RAF1: variants seen among roughly 807,000 people sequenced by gnomAD.
RAF1 encodes Raf-1 proto-oncogene, serine/threonine kinase.
RAF1 carries 27 observed loss-of-function variants against 81.1 expected under a neutral mutation model. The observed-to-expected ratio is 0.33, with a 90% confidence interval of 0.25 to 0.46. The LOEUF is 0.46. Among genes scored for constraint, RAF1 ranks in the 20% least tolerant of loss-of-function variants. The pLI is 1.00. For synonymous variants in RAF1, 298 were observed against 294.0 expected (o/e 1.01, Z -0.14); for missense variants, 598 against 826.0 (o/e 0.72, Z 3.38).
At chr3:12,601,328 C>T (rs1443477703) in intron 8 of RAF1, among the ~76,000 whole-genome samples, 2 of 152,210 alleles carry the variant, frequency 1.3e-5, no homozygotes, top group South Asian at 2.1e-4. Flanking sequence ...TCTTTCACCA[C>T]AAAACACTGC....
chr3:12,601,219 A>C (rs2058852147), intron 8 of RAF1, among the ~76,000 whole-genome samples: 1 of 152,204 alleles, frequency 6.6e-6, no homozygotes, highest in South Asian at 2.1e-4. Context: ...AAGAAAACAC[A>C]TCTGAACAGG....
At chr3:12,646,729 T>C (rs994190951) in intron 1 of RAF1, among the ~76,000 whole-genome samples, 8 of 151,838 alleles carry the variant, frequency 5.3e-5, no homozygotes, top group Non-Finnish European at 8.8e-5. Flanking sequence ...TTTTTGTATA[T>C]TTAGTAGAGA....
chr3:12,615,315 C>T (rs754635220), intron 2 of RAF1, among the ~76,000 whole-genome samples: 14 of 152,182 alleles, frequency 9.2e-5, no homozygotes, highest in Non-Finnish European at 1.3e-4. Context: ...AATAAAAATT[C>T]CAAGAAACAT....
At chr3:12,650,378 G>A (rs904077576) in intron 1 of RAF1, among the ~76,000 whole-genome samples, 1 of 152,066 alleles carries the variant, frequency 6.6e-6, no homozygotes, top group Non-Finnish European at 1.5e-5. Flanking sequence ...AGAACTACAT[G>A]TATTTCCTAT....
At chr3:12,623,848 C>T (rs2059622234) in intron 1 of RAF1, among the ~76,000 whole-genome samples, 1 of 108,308 alleles carries the variant, frequency 9.2e-6, no homozygotes, top group African/African-American at 3.2e-5. Flanking sequence ...GTTTCCTAAC[C>T]CTTTTCTTTT....
intron 1 of RAF1, among the ~76,000 whole-genome samples, chr3:12,662,013 C>A (rs1463860255): frequency 1.3e-5 from 2 of 151,756 alleles, no homozygotes; most frequent in East Asian, 1.9e-4. Context: ...AGTGTGACCC[C>A]CTCTCTATTA....
At chr3:12,594,703 T>C (rs1031630623) in intron 11 of RAF1, among the ~76,000 whole-genome samples, 5 of 152,210 alleles carry the variant, frequency 3.3e-5, no homozygotes, top group Admixed American at 3.3e-4. Context: ...AAGGTGATCT[T>C]TTCTTTTTTC....
chr3:12,623,856 T>A (rs1448676287), intron 1 of RAF1, among the ~76,000 whole-genome samples: 1 of 70,480 alleles, frequency 1.4e-5, no homozygotes, highest in Non-Finnish European at 3.0e-5. Flanking sequence ...ACCCTTTTCT[T>A]TTTTCTTTTT....
chr3:12,662,315 G>C (rs1008488903), intron 1 of RAF1, among the ~76,000 whole-genome samples: 19 of 132,640 alleles, frequency 1.4e-4, no homozygotes, highest in Non-Finnish European at 2.3e-4. Flanking sequence ...TAGCCTGGGC[G>C]ACAGAGTGAG....
chr3:12,606,344 C>G lies in RAF1; in HGVS notation c.582-45G>C, dbSNP rs770735676. ...GACTGGTTTTTAGGCTTGCAGTAATCTTACAGAGACAATCAGCATGCCTTG... is the reference window on the plus strand; with the variant it reads ...GACTGGTTTTTAGGCTTGCAGTAATGTTACAGAGACAATCAGCATGCCTTG... On this transcript the variant is annotated intron_variant, in intron 5 of 17. Transcript: ENST00000442415. 9 of 1,408,710 alleles carry G rather than the reference C, an allele frequency of 6.4e-6. No individual in the cohort carries two copies. In the Admixed American group the frequency reaches 1.6e-4, roughly 25 times the overall value. 87.3% of individuals were successfully genotyped at this position (1,408,710 alleles called of 1,614,324 possible).
At chr3:12,595,340 G>A (rs997789667) in intron 11 of RAF1, among the ~76,000 whole-genome samples, 2 of 152,068 alleles carry the variant, frequency 1.3e-5, no homozygotes, top group Non-Finnish European at 2.9e-5. Flanking sequence ...CTAAAGTGTT[G>A]GGGTTATAGA....
rs2125343512 is a variant in RAF1 at position 12,590,938 on chromosome 3, C to T, written c.1290G>A (p.Gly430=). The change falls in exon 13 of 18, where the codon GGG becomes GGA. Residue 430 remains glycine, a synonymous_variant. Coordinates refer to ENST00000442415, the MANE Select transcript of RAF1 (RefSeq NM_001354689.3). The stretch of plus-strand genomic sequence containing the variant: ...TTGCCAGGTTGTCCTTTGTCATGTA[C>T]CCCATGAAAAGCAGAATGTTCACAT... 6.2e-7 allele frequency: 1 copy of T among 1,612,850 alleles called. No homozygotes were observed. The highest frequency in any genetic ancestry group is 1.1e-5 in the South Asian group (1 of 91,062).
chr3:12,587,463 C>G (rs1426320927), intron 14 of RAF1, 128 bp downstream of exon 13: 1 of 940,678 alleles, frequency 1.1e-6, no homozygotes, highest in Non-Finnish European at 1.7e-6. Flanking sequence ...TTCTGTTTTC[C>G]TGTCCTCTGC....
chr3:12,584,446 G>A lies in RAF1; in HGVS notation c.*68C>T, dbSNP rs2125314993. 1.3e-6 allele frequency: 2 copies of A among 1,590,808 alleles called. No individual in the cohort carries two copies. The highest frequency in any genetic ancestry group is 1.7e-6 in the Non-Finnish European group (2 of 1,159,880). On this transcript the variant is annotated 3_prime_UTR_variant, in exon 18 of 18. Coordinates refer to ENST00000442415, the MANE Select transcript of RAF1 (RefSeq NM_001354689.3). ...CATGTGTTCTGCCTCTGGAGAAAGG[G>A]AGCAGAAAAGTGGTGCCTGCTGGCT...
intron 13 of RAF1, chr3:12,590,189 C>CA: frequency 6.5e-6 from 1 of 153,912 alleles, no homozygotes; most frequent in South Asian, 2.0e-4. Flanking sequence ...GAGCAGAAGG[C>CA]ATTGCCACAG....
chr3:12,618,398 A>T, intron 2 of RAF1, 117 bp downstream of exon 2: 2 of 1,131,454 alleles, frequency 1.8e-6, no homozygotes, highest in Non-Finnish European at 2.6e-6. Flanking sequence ...TAGAAAAAAA[A>T]AAATAAAGAC....
At chr3:12,589,104 C>A in intron 13 of RAF1, 1 of 153,902 alleles carries the variant, frequency 6.5e-6, no homozygotes, top group South Asian at 1.8e-4. Context: ...TTTGTACAGT[C>A]TGCAGAACCC....
At chr3:12,594,066 G>A (rs2058610295) in intron 11 of RAF1, among the ~76,000 whole-genome samples, 1 of 152,184 alleles carries the variant, frequency 6.6e-6, no homozygotes, top group Admixed American at 6.5e-5. Context: ...AGAAACCTGA[G>A]CTGTGTTTAG....
At chr3:12,627,114 A>G (rs1477561078) in intron 1 of RAF1, among the ~76,000 whole-genome samples, 3 of 152,164 alleles carry the variant, frequency 2.0e-5, no homozygotes, top group East Asian at 1.9e-4. Context: ...CAGGCTTTAA[A>G]CATTTATTTG....
Sources: gnomAD v4.1 joint callset for allele counts (sites outside exome capture counted in the v4.1 genomes callset) on GRCh38, gnomAD v4.1.1 for gene constraint, MANE v1.5 for transcripts, NCBI Gene and HGNC (gene_info 2026-07-23, HGNC 2026-07-21) for gene names.